The following SPINK6 variants were observed in gnomAD, a reference collection of about 807,000 sequenced individuals.
SPINK6 encodes serine protease inhibitor Kazal-type 6.
SPINK6 carries 13 observed loss-of-function variants against 11.7 expected under a neutral mutation model. The observed-to-expected ratio is 1.11, with a 90% CI of 0.72 to 1.76. The LOEUF (loss-of-function observed/expected upper bound fraction) is 1.76, where lower values mean the gene tolerates loss of function less well. Among genes scored for constraint, SPINK6 ranks in the 40% most tolerant of loss-of-function variants. The probability of loss-of-function intolerance (pLI) is 0.00; values close to 1 mark genes in which losing one functional copy is unlikely to be tolerated. For missense variants in SPINK6, 98 were observed against 93.7 expected (o/e 1.05, Z -0.19); for synonymous variants, 21 against 31.9 (o/e 0.66, Z 1.15).
intron 2 of SPINK6, among the ~76,000 whole-genome samples, chr5:148,212,417 G>C (rs535455381): frequency 1.5e-3 from 208 of 141,546 alleles, no homozygotes; most frequent in Middle Eastern, 3.8e-3. Flanking sequence ...GATGTCTTGA[G>C]GCCAAGAGTT....
At chr5:148,204,112 A>G (rs1755468243) in intron 1 of SPINK6, among the ~76,000 whole-genome samples, 1 of 148,396 alleles carries the variant, frequency 6.7e-6, no homozygotes, top group Admixed American at 6.8e-5. Context: ...TTTTACTACT[A>G]TGCAAGATTT....
At chr5:148,210,038 G>A (rs1436375972) in intron 2 of SPINK6, among the ~76,000 whole-genome samples, 1 of 27,488 alleles carries the variant, frequency 3.6e-5, no homozygotes, top group Non-Finnish European at 1.8e-4. Flanking sequence ...ATGCACAAAC[G>A]TATGTATGCA....
chr5:148,214,945 T>C lies in SPINK6; in HGVS notation c.238T>C (p.Cys80Arg), dbSNP rs758680314. Residue 80 changes from cysteine to arginine, a missense_variant, in exon 4 of 4, where the codon TGC becomes CGC. Cys to Arg is a radical substitution (Grantham distance 180). Transcript: ENST00000325630. ...GKISLKHPGK[C>R] ...GATTAGCCTAAAGCATCCTGGAAAA[T>C]GCTGAGTTAAAGCCAATGTTTCTTG... The C allele has an allele frequency of 5.0e-6, 8 of 1,613,830 alleles. No individual in the cohort carries two copies. The South Asian group carries it at 6.6e-5, about 13-fold the overall frequency.
chr5:148,208,494 T>C (rs1561731668), intron 2 of SPINK6, among the ~76,000 whole-genome samples: 1 of 152,106 alleles, frequency 6.6e-6, no homozygotes, highest in South Asian at 2.1e-4. Context: ...CCAAGAATTC[T>C]CTACATGATG....
chr5:148,203,165 T>G lies in SPINK6; in HGVS notation c.58+11T>G. 2 of 1,604,962 alleles carry G rather than the reference T, an allele frequency of 1.2e-6. No individual in the cohort carries two copies. Among genetic ancestry groups the G allele is most frequent in the Non-Finnish European group, 1.7e-6 (2 of 1,175,594 alleles). On this transcript the variant is annotated intron_variant, in intron 1 of 3. Coordinates refer to ENST00000325630, the MANE Select transcript of SPINK6 (RefSeq NM_205841.4). ...TCTGCTTTTTAACAGGTAAGTTTTTTCTTAAAATTAAGATCCCATATTTAT... is the reference window on the plus strand; with the variant it reads ...TCTGCTTTTTAACAGGTAAGTTTTTGCTTAAAATTAAGATCCCATATTTAT...
intron 2 of SPINK6, among the ~76,000 whole-genome samples, chr5:148,212,101 G>A: frequency 6.6e-6 from 1 of 151,586 alleles, no homozygotes; most frequent in East Asian, 1.9e-4. Context: ...ACATTGTGTT[G>A]AAAACAATCT....
At chr5:148,211,475 C>T (rs559291269) in intron 2 of SPINK6, among the ~76,000 whole-genome samples, 1 of 152,286 alleles carries the variant, frequency 6.6e-6, no homozygotes, top group South Asian at 2.1e-4. Context: ...TAACCCAGAA[C>T]TATTTCAAAT....
intron 2 of SPINK6, among the ~76,000 whole-genome samples, chr5:148,207,646 C>T (rs1227317591): frequency 1.3e-5 from 2 of 152,114 alleles, no homozygotes; most frequent in African/African-American, 2.4e-5. Flanking sequence ...GCCTGGCTAA[C>T]ATGGTGAAAC....
At chr5:148,213,202 GTTTGTTTGTTTTTGTT>G (rs956766227) in intron 2 of SPINK6, among the ~76,000 whole-genome samples, 1 of 149,478 alleles carries the variant, frequency 6.7e-6, no homozygotes, top group South Asian at 2.1e-4. Flanking sequence ...CATGTTTTTT[GTTTGTTTGTTTTTGTT>G]TTTGTTTTTG....
At chr5:148,209,955 T>G (rs550527989) in intron 2 of SPINK6, among the ~76,000 whole-genome samples, 2 of 143,350 alleles carry the variant, frequency 1.4e-5, no homozygotes, top group Non-Finnish European at 3.0e-5. Context: ...GTTTCATATA[T>G]ATGTATACAT....
rs1755494400 is a variant in SPINK6, at chr5:148,206,056, C to T, written c.79C>T (p.Gln27Ter). ...FLTGVFSQGG[Q>*]VDCGEFQDPK... Reference sequence around the variant, plus strand: ...TTCAGGTGTCTTCAGTCAGGGAGGACAGGTCAGTGCCTATTTTTATCTCTG... The same window carrying T: ...TTCAGGTGTCTTCAGTCAGGGAGGATAGGTCAGTGCCTATTTTTATCTCTG... Residue 27 changes from glutamine (Q) to a stop codon, truncating the protein, a stop_gained and splice_region_variant, in exon 2 of 4, where the codon CAG becomes TAG. Coordinates refer to ENST00000325630, the MANE Select transcript of SPINK6 (RefSeq NM_205841.4). LOFTEE classifies it high-confidence loss of function. 3 of 1,613,990 alleles carry T rather than the reference C, an allele frequency of 1.9e-6. No individual in the cohort carries two copies. Among genetic ancestry groups the T allele is most frequent in the Non-Finnish European group, 1.7e-6 (2 of 1,179,966 alleles).
intron 1 of SPINK6, 109 bp downstream of exon 1, chr5:148,203,263 C>A: frequency 1.4e-6 from 1 of 739,624 alleles, no homozygotes; most frequent in Non-Finnish European, 2.2e-6. Flanking sequence ...AAGACCAATT[C>A]TGAGAGATTA....
Position 148,212,585 on chromosome 5 carries a change from A to AG in SPINK6, c.82-1325_82-1324insG, listed in dbSNP as rs1755618872. Among the ~76,000 whole-genome samples the AG allele has an allele frequency of 3.0e-5, 3 of 99,232 alleles. 1 individual carries two copies. The highest frequency in any genetic ancestry group is 5.4e-5 in the Non-Finnish European group (3 of 56,032). The allele number at this position is 99,232 out of a possible 152,430, so 65.1% of individuals were successfully genotyped here. ...ATAATATATATTATATATTATATAA[A>AG]TATATTTTATATAATATATAATATA... On this transcript the variant is annotated intron_variant, in intron 2 of 3. Coordinates refer to ENST00000325630, the MANE Select transcript of SPINK6 (RefSeq NM_205841.4).
At chr5:148,210,318 ATGTG>A (rs540071239) in intron 2 of SPINK6, among the ~76,000 whole-genome samples, 2 of 20,082 alleles carry the variant, frequency 1.0e-4, no homozygotes, top group Non-Finnish European at 1.2e-4. Flanking sequence ...ATATATATGT[ATGTG>A]TTTCTGCATA....
chr5:148,207,308 A>G (rs575111171), intron 2 of SPINK6, among the ~76,000 whole-genome samples: 71 of 152,290 alleles, frequency 4.7e-4, no homozygotes, highest in Non-Finnish European at 9.7e-4. Flanking sequence ...TTTTCTCATT[A>G]ACACACACGT....
At chr5:148,211,837 T>C (rs1404536342) in intron 2 of SPINK6, among the ~76,000 whole-genome samples, 3 of 152,192 alleles carry the variant, frequency 2.0e-5, no homozygotes, top group East Asian at 3.9e-4. Flanking sequence ...AGGAAGAAAA[T>C]ACTTGGGTGT....
chr5:148,210,035 A>ACGTATGTATGTATGTACGC (rs1755561143), intron 2 of SPINK6, among the ~76,000 whole-genome samples: 1 of 136,844 alleles, frequency 7.3e-6, no homozygotes, highest in Non-Finnish European at 1.6e-5. Flanking sequence ...CGCATGCACA[A>ACGTATGTATGTATGTACGC]ACGTATGTAT....
chr5:148,207,599 G>A (rs1164214859), intron 2 of SPINK6, among the ~76,000 whole-genome samples: 2 of 152,120 alleles, frequency 1.3e-5, no homozygotes, highest in East Asian at 3.9e-4. Flanking sequence ...GGGAGGCCGA[G>A]GTGGGCAGAT....
At chr5:148,212,039 T>C (rs1472447034) in intron 2 of SPINK6, among the ~76,000 whole-genome samples, 1 of 151,712 alleles carries the variant, frequency 6.6e-6, no homozygotes, top group East Asian at 1.9e-4. Context: ...TTGCTTGTCA[T>C]TACTCTTGAA....
Sources: allele counts gnomAD v4.1 joint callset (sites outside exome capture counted in the v4.1 genomes callset), GRCh38; gene constraint gnomAD v4.1.1; transcripts MANE v1.5; gene names NCBI Gene and HGNC (gene_info 2026-07-23, HGNC 2026-07-21).